The following FARS2 variants were observed in gnomAD, a reference collection of about 807,000 sequenced individuals.
The protein encoded by FARS2 is phenylalanine--tRNA ligase, mitochondrial.
FARS2 carries 40 observed loss-of-function variants against 46.4 expected under a neutral mutation model. That is an observed-to-expected ratio of 0.86 (90% CI 0.67 to 1.12). The LOEUF (loss-of-function observed/expected upper bound fraction) is 1.12. Among genes scored for constraint, FARS2 ranks in the 50% most tolerant of loss-of-function variants. FARS2 has a pLI of 0.00. For synonymous variants in FARS2, 234 were observed against 214.9 expected (o/e 1.09, Z -0.78); for missense variants, 513 against 567.9 (o/e 0.90, Z 0.98).
chr6:5,717,158 G>A (rs1184893971), intron 6 of FARS2, among the ~76,000 whole-genome samples: 1 of 152,204 alleles, frequency 6.6e-6, no homozygotes, highest in Admixed American at 6.5e-5. Context: ...TAAGAGAAAT[G>A]TGGGGGTAGA....
chr6:5,424,409 C>T (rs1172946960), intron 3 of FARS2, among the ~76,000 whole-genome samples: 1 of 152,138 alleles, frequency 6.6e-6, no homozygotes, highest in East Asian at 1.9e-4. Context: ...AGTAAGACTT[C>T]TTATATGAAT....
intron 2 of FARS2, among the ~76,000 whole-genome samples, chr6:5,381,597 C>G (rs1759795909): frequency 6.6e-6 from 1 of 152,204 alleles, no homozygotes; most frequent in African/African-American, 2.4e-5. Flanking sequence ...GTTCTGGATT[C>G]TTTCAGCAAT....
chr6:5,440,919 C>CTTTTTTTTTTTTT (rs56965644), intron 4 of FARS2, among the ~76,000 whole-genome samples: 1 of 144,504 alleles, frequency 6.9e-6, no homozygotes. Flanking sequence ...CATTTTCTTT[C>CTTTTTTTTTTTTT]TTTTTTTTTT....
At chr6:5,627,943 T>C (rs1193100545) in intron 6 of FARS2, among the ~76,000 whole-genome samples, 3 of 152,062 alleles carry the variant, frequency 2.0e-5, no homozygotes, top group African/African-American at 7.2e-5. Context: ...GAAACAGAAG[T>C]TGGGTCCTAA....
chr6:5,504,906 G>A (rs1768016877), intron 4 of FARS2, among the ~76,000 whole-genome samples: 1 of 152,092 alleles, frequency 6.6e-6, no homozygotes, highest in Non-Finnish European at 1.5e-5. Context: ...GCTCACTGCA[G>A]TCTTTGCCAC....
intron 4 of FARS2, among the ~76,000 whole-genome samples, chr6:5,505,004 T>C (rs1264007090): frequency 2.0e-5 from 3 of 152,126 alleles, no homozygotes; most frequent in African/African-American, 7.2e-5. Flanking sequence ...GTTTTGAAAA[T>C]AGTTTCTGAA....
chr6:5,662,919 C>T (rs1356302546), intron 6 of FARS2, among the ~76,000 whole-genome samples: 1 of 152,178 alleles, frequency 6.6e-6, no homozygotes, highest in South Asian at 2.1e-4. Flanking sequence ...AATTAGTTTG[C>T]ATAAAGCTCT....
At chr6:5,361,991 G>T (rs1758334648) in intron 1 of FARS2, among the ~76,000 whole-genome samples, 1 of 152,144 alleles carries the variant, frequency 6.6e-6, no homozygotes, top group Non-Finnish European at 1.5e-5. Flanking sequence ...TGTTGTCATT[G>T]TGCCAAAGAA....
chr6:5,768,675 A>G (rs1762869639), intron 6 of FARS2, among the ~76,000 whole-genome samples: 1 of 152,180 alleles, frequency 6.6e-6, no homozygotes, highest in African/African-American at 2.4e-5. Flanking sequence ...GAGCATCCTA[A>G]TGGGCCTGAA....
chr6:5,459,746 C>T (rs556155709), intron 4 of FARS2, among the ~76,000 whole-genome samples: 7 of 152,296 alleles, frequency 4.6e-5, no homozygotes, highest in Admixed American at 6.5e-5. Flanking sequence ...GTGCCAAGCC[C>T]CAGCAGTCTC....
At chr6:5,683,668 A>G (rs1431594684) in intron 6 of FARS2, among the ~76,000 whole-genome samples, 1 of 151,460 alleles carries the variant, frequency 6.6e-6, no homozygotes, top group African/African-American at 2.4e-5. Flanking sequence ...TTATTTACAT[A>G]GGTATACATG....
At chr6:5,263,617 T>C (rs1765345595) in intron 1 of FARS2, among the ~76,000 whole-genome samples, 1 of 152,220 alleles carries the variant, frequency 6.6e-6, no homozygotes, top group Non-Finnish European at 1.5e-5. Flanking sequence ...CATTCTATTC[T>C]GGGTTGAAAT....
At chr6:5,747,267 G>A (rs573391457) in intron 6 of FARS2, among the ~76,000 whole-genome samples, 1 of 152,378 alleles carries the variant, frequency 6.6e-6, no homozygotes, top group African/African-American at 2.4e-5. Context: ...GAAGTGGGAA[G>A]ACGCTAGAAG....
intron 4 of FARS2, among the ~76,000 whole-genome samples, chr6:5,515,895 A>G (rs1209430068): frequency 6.6e-6 from 1 of 152,272 alleles, no homozygotes; most frequent in African/African-American, 2.4e-5. Flanking sequence ...TTTATATCAT[A>G]TTAATTACAT....
At chr6:5,338,325 T>G (rs184698680) in intron 1 of FARS2, among the ~76,000 whole-genome samples, 1 of 152,360 alleles carries the variant, frequency 6.6e-6, no homozygotes, top group East Asian at 1.9e-4. Context: ...ATTGTGCTTT[T>G]GTTTTTACTA....
chr6:5,665,308 G>A (rs1778058611), intron 6 of FARS2: 1 of 152,484 alleles, frequency 6.6e-6, no homozygotes, highest in Non-Finnish European at 1.5e-5. Context: ...CTCCAGGGGT[G>A]GCTGAGGCTG....
intron 5 of FARS2, among the ~76,000 whole-genome samples, chr6:5,551,177 A>G (rs919238377): frequency 1.3e-5 from 2 of 152,182 alleles, no homozygotes; most frequent in Admixed American, 6.5e-5. Flanking sequence ...ATCCAAGTTC[A>G]TTGTTTACAA....
At chr6:5,641,530 C>T (rs1242523321) in intron 6 of FARS2, among the ~76,000 whole-genome samples, 1 of 152,098 alleles carries the variant, frequency 6.6e-6, no homozygotes, top group African/African-American at 2.4e-5. Flanking sequence ...CCCCTGACCT[C>T]AGGGGATCTG....
chr6:5,359,494 G>A (rs1016928123), intron 1 of FARS2, among the ~76,000 whole-genome samples: 1 of 152,202 alleles, frequency 6.6e-6, no homozygotes, highest in Non-Finnish European at 1.5e-5. Flanking sequence ...GAAGACTGAA[G>A]TGTCAAAGGA....
Sources: allele counts gnomAD v4.1 joint callset (sites outside exome capture counted in the v4.1 genomes callset), GRCh38; gene constraint gnomAD v4.1.1; transcripts MANE v1.5; gene names NCBI Gene and HGNC (gene_info 2026-07-23, HGNC 2026-07-21).